Variants in TIAM2 observed in about 807,000 individuals in gnomAD.
TIAM2 encodes the protein TIAM Rac1 associated GEF 2, also known as rho guanine nucleotide exchange factor TIAM2.
In TIAM2, 80 loss-of-function variants were observed where a neutral mutation model predicts 152.9. The ratio of observed to expected loss-of-function variants is 0.52; its 90% CI spans 0.44 to 0.63. The LOEUF is 0.63. TIAM2 is among the 30% of genes least tolerant of loss of function. The pLI, the probability that TIAM2 is intolerant of heterozygous loss-of-function variation, is 0.00. For synonymous variants in TIAM2, 804 were observed against 838.0 expected, an observed-to-expected ratio of 0.96 and a Z score of 0.70; for missense variants, 1,965 against 2,120.1, an observed-to-expected ratio of 0.93 and a Z score of 1.44.
At chr6:155,169,432 A>C (rs907808585) in intron 9 of TIAM2, among the ~76,000 whole-genome samples, 5 of 152,248 alleles carry the variant, frequency 3.3e-5, no homozygotes, top group Admixed American at 2.6e-4. Flanking sequence ...GGAGGTATCT[A>C]ACCTCATGTT....
intron 1 of TIAM2, among the ~76,000 whole-genome samples, chr6:155,035,832 G>T (rs1562296939): frequency 6.6e-6 from 1 of 152,196 alleles, no homozygotes; most frequent in East Asian, 1.9e-4. Context: ...CACAGCCCTT[G>T]CTGGGTTGAT....
rs547076092 is a variant in TIAM2, at chr6:155,027,218, G to T, written c.-209+31726G>T. Among the ~76,000 whole-genome samples, 73 of 151,262 alleles carry T rather than the reference G, an allele frequency of 4.8e-4. 1 individual carries two copies. The East Asian group carries it at 0.013, about 27-fold the overall frequency. On this transcript the variant is annotated intron_variant, in intron 1 of 26. Coordinates refer to ENST00000682666, the MANE Select transcript of TIAM2 (RefSeq NM_012454.4). ...ATTTTTCTGTTTTAATAGAGACGGGGTTTCACCATGTTGGCCAGGATGGTC... is the reference window on the plus strand; with the variant it reads ...ATTTTTCTGTTTTAATAGAGACGGGTTTTCACCATGTTGGCCAGGATGGTC...
intron 7 of TIAM2, among the ~76,000 whole-genome samples, chr6:155,153,248 G>C (rs1355040975): frequency 6.6e-6 from 1 of 151,764 alleles, no homozygotes. Context: ...AACCCCTGCC[G>C]TACATGCACT....
intron 15 of TIAM2, among the ~76,000 whole-genome samples, chr6:155,230,212 C>T (rs1445236948): frequency 6.6e-6 from 1 of 152,240 alleles, no homozygotes; most frequent in Non-Finnish European, 1.5e-5. Context: ...CTGAGCTCGT[C>T]TCCTTCACAG....
At chr6:155,199,308 C>A (rs1050892773) in intron 14 of TIAM2, among the ~76,000 whole-genome samples, 4 of 152,102 alleles carry the variant, frequency 2.6e-5, no homozygotes, top group African/African-American at 9.7e-5. Context: ...GAACTCCTGA[C>A]CTCAGGTGAT....
At chr6:155,045,050 C>CTTTTTTTTTTTTTT (rs200620585) in intron 1 of TIAM2, among the ~76,000 whole-genome samples, 3 of 132,036 alleles carry the variant, frequency 2.3e-5, no homozygotes, top group African/African-American at 8.4e-5. Flanking sequence ...TTTTCTTTTT[C>CTTTTTTTTTTTTTT]TTTTTTTTTT....
At chr6:155,168,509 A>T (rs1249353263) in intron 9 of TIAM2, among the ~76,000 whole-genome samples, 2 of 152,062 alleles carry the variant, frequency 1.3e-5, no homozygotes, top group Non-Finnish European at 2.9e-5. Context: ...GGCGGGTGCC[A>T]CCACATCTGG....
In TIAM2 at chr6:155,223,518, T is replaced by TA. The variant is rs1782126070; in HGVS notation, c.3168+12211_3168+12212insA. On this transcript the variant is annotated intron_variant, in intron 15 of 26. Transcript: ENST00000682666. Reference sequence around the variant, plus strand: ...ATGATGGTGGTTAGACATCCCCAGATTTTTTTTTCTTTTTTTTTTTTTTTT... The same window carrying TA: ...ATGATGGTGGTTAGACATCCCCAGATATTTTTTTTCTTTTTTTTTTTTTTTT... 1.2e-3 allele frequency among the ~76,000 whole-genome samples: 4 copies of TA among 3,372 alleles called. No individual in the cohort carries two copies. In the African/African-American group the frequency reaches 0.015, roughly 13 times the overall value. 2.2% of individuals were successfully genotyped at this position (3,372 alleles called of 152,430 possible).
At chr6:155,053,934 T>C (rs575106893) in intron 1 of TIAM2, among the ~76,000 whole-genome samples, 4 of 152,072 alleles carry the variant, frequency 2.6e-5, no homozygotes, top group Non-Finnish European at 5.9e-5. Flanking sequence ...TCCCAGCACT[T>C]TGGGAGGCTG....
At chr6:155,086,591 C>T (rs138472569) in intron 1 of TIAM2, among the ~76,000 whole-genome samples, 67 of 151,668 alleles carry the variant, frequency 4.4e-4, no homozygotes, top group African/African-American at 1.6e-3. Context: ...CCTGTAATCC[C>T]GGCTACTCAG....
At chr6:155,165,537 C>T (rs772029799) in intron 9 of TIAM2, 128 bp downstream of exon 9, 32 of 1,316,164 alleles carry the variant, frequency 2.4e-5, no homozygotes, top group South Asian at 2.3e-4. Flanking sequence ...GGGTGGCTCA[C>T]GCCTGTAATT....
At chr6:155,192,916 T>C (rs749575293) in intron 14 of TIAM2, among the ~76,000 whole-genome samples, 12 of 152,230 alleles carry the variant, frequency 7.9e-5, no homozygotes, top group Non-Finnish European at 1.8e-4. Context: ...TCAAGGTTGG[T>C]TGCAATGCGG....
intron 2 of TIAM2, among the ~76,000 whole-genome samples, chr6:155,103,862 C>T (rs958452954): frequency 1.4e-4 from 21 of 151,646 alleles, no homozygotes; most frequent in African/African-American, 3.9e-4. Context: ...TTTTTCTTCC[C>T]TTTGTATCAC....
intron 2 of TIAM2, among the ~76,000 whole-genome samples, chr6:155,120,509 G>A (rs1779126693): frequency 6.6e-6 from 1 of 152,190 alleles, no homozygotes; most frequent in Non-Finnish European, 1.5e-5. Flanking sequence ...CATTCTGAGT[G>A]TAGTTCATTG....
chr6:155,029,442 ACTATAGTATATATTATATATAATATATAC>A (rs1776753998), intron 1 of TIAM2, among the ~76,000 whole-genome samples: 1 of 2,922 alleles, frequency 3.4e-4, no homozygotes, highest in Non-Finnish European at 5.8e-4. Flanking sequence ...TATATATTAT[ACTATAGTATATATTATATATAATATATAC>A]TATAGTATAT....
intron 11 of TIAM2, 51 bp from the exon 12 acceptor site, chr6:155,179,327 G>A (rs372352803): frequency 6.3e-7 from 1 of 1,575,026 alleles, no homozygotes; most frequent in African/African-American, 1.4e-5. Flanking sequence ...GTAATTTTTT[G>A]AGGTATCATA....
chr6:155,204,922 C>G (rs9478623), intron 14 of TIAM2, among the ~76,000 whole-genome samples: 1 of 152,050 alleles, frequency 6.6e-6, no homozygotes, highest in African/African-American at 2.4e-5. Flanking sequence ...TTTGGTGATT[C>G]TGATTCCAGG....
At chr6:155,025,841 C>G (rs1282905521) in intron 1 of TIAM2, among the ~76,000 whole-genome samples, 1 of 105,748 alleles carries the variant, frequency 9.5e-6, no homozygotes, top group Non-Finnish European at 2.0e-5. Context: ...CACACACACA[C>G]ACACACACAC....
intron 5 of TIAM2, 100 bp downstream of exon 5, chr6:155,137,712 A>G: frequency 1.5e-6 from 2 of 1,342,322 alleles, no homozygotes; most frequent in South Asian, 1.5e-5. Context: ...TTGAGTTCAC[A>G]TGAGGGGTTT....
Sources: gnomAD v4.1 joint callset for allele counts (sites outside exome capture counted in the v4.1 genomes callset) on GRCh38, gnomAD v4.1.1 for gene constraint, MANE v1.5 for transcripts, NCBI Gene and HGNC (gene_info 2026-07-23, HGNC 2026-07-21) for gene names.